Variants in ITIH5 observed in about 807,000 individuals in gnomAD.
The protein encoded by ITIH5 is inter-alpha-trypsin inhibitor heavy chain H5.
In ITIH5, 65 loss-of-function variants were observed where a neutral mutation model predicts 77.5. The observed-to-expected ratio is 0.84, with a 90% confidence interval of 0.69 to 1.03. ITIH5 has a LOEUF of 1.03. Ranked by LOEUF, ITIH5 falls within the 50% of genes least tolerant of loss-of-function variation. The pLI, the probability that ITIH5 is intolerant of heterozygous loss-of-function variation, is 0.00. For synonymous variants in ITIH5, 525 were observed against 494.3 expected (o/e 1.06, Z -0.82); for missense variants, 1,208 against 1,213.1 (o/e 1.00, Z 0.06).
chr10:7,571,306 C>T (rs1160046392), intron 11 of ITIH5: 2 of 152,130 alleles, frequency 1.3e-5, no homozygotes, highest in African/African-American at 4.8e-5. Context: ...TTCCAGGACC[C>T]CCGCGGATAC....
At chr10:7,640,974 A>G in intron 3 of ITIH5, 119 bp from the exon 4 acceptor site, 1 of 767,860 alleles carries the variant, frequency 1.3e-6, no homozygotes, top group Non-Finnish European at 2.3e-6. Flanking sequence ...ATGTGTAGAA[A>G]GAATGCATTC....
chr10:7,651,164 T>C (rs1834094028), intron 2 of ITIH5, among the ~76,000 whole-genome samples: 1 of 152,148 alleles, frequency 6.6e-6, no homozygotes, highest in Non-Finnish European at 1.5e-5. Flanking sequence ...GCTTTGATCC[T>C]GGAAAGACCG....
chr10:7,591,289 A>G (rs574740510), intron 7 of ITIH5, among the ~76,000 whole-genome samples: 248 of 152,236 alleles, frequency 1.6e-3, no homozygotes, highest in African/African-American at 5.9e-3. Flanking sequence ...CCCAGCTATC[A>G]ACAACAAGGT....
intron 7 of ITIH5, among the ~76,000 whole-genome samples, chr10:7,589,357 G>A (rs1832747286): frequency 6.6e-6 from 1 of 152,174 alleles, no homozygotes; most frequent in Non-Finnish European, 1.5e-5. Context: ...TACTTGGGAG[G>A]CTGAGGCAGG....
chr10:7,624,906 T>C lies in ITIH5; in HGVS notation c.653-7624A>G, dbSNP rs1418713970. Among the ~76,000 whole-genome samples the C allele has an allele frequency of 1.1e-3, 3 of 2,796 alleles. No individual in the cohort carries two copies. The African/African-American group carries it at 0.011, about 10-fold the overall frequency. 1.8% of individuals were successfully genotyped at this position (2,796 alleles called of 152,430 possible). Reference sequence around the variant, plus strand: ...ATATATGTGTATATATATACATACATATATATATATATATATGCATTATCC... The same window carrying C: ...ATATATGTGTATATATATACATACACATATATATATATATATGCATTATCC... On this transcript the variant is annotated intron_variant, in intron 5 of 13. Coordinates refer to ENST00000397146, the MANE Select transcript of ITIH5 (RefSeq NM_030569.7).
chr10:7,596,044 C>T (rs1359477781), intron 7 of ITIH5, among the ~76,000 whole-genome samples: 2 of 152,164 alleles, frequency 1.3e-5, no homozygotes, highest in Non-Finnish European at 2.9e-5. Context: ...TAAATGTAAA[C>T]TCTATTTCAG....
At chr10:7,580,122 T>A (rs1171466745) in intron 8 of ITIH5, 58 bp from the exon 9 acceptor site, 1 of 1,405,616 alleles carries the variant, frequency 7.1e-7, no homozygotes, top group Non-Finnish European at 9.6e-7. Flanking sequence ...GCACTCTGAT[T>A]GCACTTTCTT....
Position 7,642,023 on chromosome 10 carries a change from G to C in ITIH5, c.203C>G (p.Thr68Arg). 5 of 1,613,910 alleles carry C rather than the reference G, an allele frequency of 3.1e-6. No homozygotes were observed. Among genetic ancestry groups the C allele is most frequent in the Non-Finnish European group, 4.2e-6 (5 of 1,179,752 alleles). ...STIISRYAFT[T>R]VSCRMLNRAS... ...TCTGTTCAGCATTCTGCAGGAAACC[G>C]TAGTGAAGGCATAACGGGAAATGAT... Residue 68 changes from threonine to arginine, a missense_variant, in exon 3 of 14, where the codon ACG becomes AGG. Coordinates refer to ENST00000397146, the MANE Select transcript of ITIH5 (RefSeq NM_030569.7).
intron 12 of ITIH5, among the ~76,000 whole-genome samples, 184 bp from the exon 13 acceptor site, chr10:7,566,591 G>C (rs569845723): frequency 2.0e-5 from 3 of 150,972 alleles, no homozygotes; most frequent in Non-Finnish European, 4.4e-5. Context: ...TGAGCATAGT[G>C]GTGCAAGCCT....
chr10:7,644,733 C>CTATATCACATATATATCACA (rs1383433687), intron 2 of ITIH5, among the ~76,000 whole-genome samples: 3 of 103,248 alleles, frequency 2.9e-5, no homozygotes, highest in South Asian at 2.8e-4. Flanking sequence ...TATCACATAT[C>CTATATCACATATATATCACA]TATATCACAT....
rs753116065 is a variant in ITIH5 at position 7,576,608 on chromosome 10, A to AGGGCCT, written c.1817_1822dup (p.Gln606_Ala607dup). 2 of 1,614,000 alleles carry AGGGCCT rather than the reference A, an allele frequency of 1.2e-6. No individual in the cohort carries two copies. Among genetic ancestry groups the AGGGCCT allele is most frequent in the African/African-American group, 2.7e-5 (2 of 74,944 alleles). On this transcript the variant is annotated inframe_insertion, in exon 10 of 14. Coordinates refer to ENST00000397146, the MANE Select transcript of ITIH5 (RefSeq NM_030569.7). ...AGTGAGGAAGCGGTAGCTCACAGCC[A>AGGGCCT]GGGCCTGGGCCCGCTGCCGCAGCCG...
chr10:7,655,354 A>C (rs1173972169), intron 2 of ITIH5, among the ~76,000 whole-genome samples: 1 of 152,194 alleles, frequency 6.6e-6, no homozygotes, highest in African/African-American at 2.4e-5. Context: ...ATAAAAATAA[A>C]TAAAAGTTAT....
At chr10:7,614,746 T>C (rs1833330144) in intron 7 of ITIH5, among the ~76,000 whole-genome samples, 1 of 152,112 alleles carries the variant, frequency 6.6e-6, no homozygotes, top group South Asian at 2.1e-4. Flanking sequence ...ACTGCCAGAT[T>C]TTTAAAATAT....
rs555613528 is a variant in ITIH5 at position 7,576,542 on chromosome 10, A to G, written c.1889T>C (p.Met630Thr). 6.2e-7 allele frequency: 1 copy of G among 1,613,370 alleles called. No homozygotes were observed. Among genetic ancestry groups the G allele is most frequent in the Non-Finnish European group, 8.5e-7 (1 of 1,179,988 alleles). The part of the protein sequence containing the change: ...SMKLRGPVPR[M>T]DGLEEAHGMS... ...GCCGTGGGCCTCCTCCAGGCCATCC[A>G]TGCGTGGGACCGGCCCCCTCAGCTT... is the stretch of plus-strand genomic sequence containing the variant. Residue 630 changes from methionine (M) to threonine (T), a missense_variant, in exon 10 of 14, where the codon ATG (methionine) becomes ACG (threonine). Transcript: ENST00000397146.
At chr10:7,657,207 G>C (rs1027181122) in intron 1 of ITIH5, among the ~76,000 whole-genome samples, 2 of 150,152 alleles carry the variant, frequency 1.3e-5, no homozygotes, top group South Asian at 2.1e-4. Context: ...ACCACGCCCG[G>C]CTAATTTTAC....
intron 7 of ITIH5, among the ~76,000 whole-genome samples, chr10:7,587,895 C>G (rs957977496): frequency 1.3e-5 from 2 of 152,268 alleles, no homozygotes; most frequent in South Asian, 2.1e-4. Context: ...CAGATGGCCC[C>G]GTCGGCCCCT....
Position 7,666,707 on chromosome 10 carries a change from C to T in ITIH5, c.90+96G>A, listed in dbSNP as rs150275590. ...GGGCCTCTGGTGGGGGCCTGGGAGA[C>T]GGTCGAAGGGGGCCCGGGCAGAAGC... On this transcript the variant is annotated intron_variant, in intron 1 of 13. Transcript: ENST00000397146. The T allele has an allele frequency of 2.0e-3, 1,850 of 925,866 alleles. 23 individuals are homozygous for T. In the African/African-American group the frequency reaches 0.029, roughly 14 times the overall value. 57.4% of individuals were successfully genotyped at this position (925,866 alleles called of 1,614,324 possible). A position where few individuals can be genotyped will look rare whatever the true frequency, so the allele number is the denominator to read the frequency against.
intron 4 of ITIH5, among the ~76,000 whole-genome samples, chr10:7,638,834 A>G (rs1440057470): frequency 1.3e-5 from 2 of 152,238 alleles, no homozygotes; most frequent in Admixed American, 1.3e-4. Context: ...ATGTCTCCCA[A>G]TCAGTGATGT....
intron 5 of ITIH5, among the ~76,000 whole-genome samples, chr10:7,634,088 C>CA (rs752092484): frequency 0.23 from 13,695 of 59,010 alleles, 1,654 homozygotes; most frequent in East Asian, 0.37. Context: ...GACTCCGTCT[C>CA]AAAAAAAAAA....
Sources: allele counts gnomAD v4.1 joint callset (sites outside exome capture counted in the v4.1 genomes callset), GRCh38; gene constraint gnomAD v4.1.1; transcripts MANE v1.5; gene names NCBI Gene and HGNC (gene_info 2026-07-23, HGNC 2026-07-21).